The following ENO2 variants were observed in gnomAD, a reference collection of about 807,000 sequenced individuals.
ENO2 encodes the protein gamma-enolase.
Under a neutral mutation model 48.7 loss-of-function variants are expected in ENO2, and 19 were observed. The observed-to-expected ratio is 0.39, with a 90% CI of 0.27 to 0.57. The LOEUF is 0.57. Among genes scored for constraint, ENO2 ranks in the 20% least tolerant of loss-of-function variants. ENO2 has a pLI of 0.58. For synonymous variants in ENO2, 198 were observed against 213.4 expected (o/e 0.93, Z 0.63); for missense variants, 416 against 555.0 (o/e 0.75, Z 2.52).
intron 8 of ENO2, among the ~76,000 whole-genome samples, chr12:6,921,160 C>T (rs934193977): frequency 5.3e-5 from 8 of 152,196 alleles, no homozygotes; most frequent in Non-Finnish European, 7.4e-5. Context: ...TTTGGGAAGC[C>T]GAGGCAGGAG....
intron 6 of ENO2, 39 bp downstream of exon 6, chr12:6,917,753 GT>G: frequency 6.4e-7 from 1 of 1,566,846 alleles, no homozygotes; most frequent in Non-Finnish European, 8.8e-7. Flanking sequence ...CCAGGGGCGG[GT>G]GGGGGAGGGA....
chr12:6,915,886 C>T lies in ENO2; in HGVS notation c.54C>T (p.Pro18=), dbSNP rs372833368. 2.5e-5 allele frequency: 41 copies of T among 1,613,982 alleles called. No homozygotes were observed. Among genetic ancestry groups the T allele is most frequent in the Non-Finnish European group, 3.5e-5 (41 of 1,179,988 alleles). Residue 18 remains proline (P), a synonymous_variant, in exon 2 of 12, where the codon CCC becomes CCT. Transcript: ENST00000229277. ...AGATCCTGGACTCCCGCGGGAACCC[C>T]ACAGTGGAGGTGGATCTCTATACTG... ...AREILDSRGN[P]TVEVDLYTAK...
intron 9 of ENO2, 112 bp from the exon 10 acceptor site, chr12:6,921,944 T>C: frequency 6.5e-7 from 1 of 1,527,994 alleles, no homozygotes; most frequent in Non-Finnish European, 9.0e-7. Flanking sequence ...GATTCTCTGC[T>C]CCCCTCCCAG....
In ENO2 at chr12:6,922,938, G is replaced by A. The variant is rs782476448; in HGVS notation, c.*138G>A. On this transcript the variant is annotated 3_prime_UTR_variant, in exon 12 of 12. Transcript: ENST00000229277. This position sits in a 1 kb window ranked among gnomAD's most constrained non-coding sequence, Gnocchi z 5.3. ...ACTTCCCTGATTGACCTGCTCCGCT[G>A]CTCCTTGGCTTACCTGACCTCTTGC... is the stretch of plus-strand genomic sequence containing the variant. The A allele has an allele frequency of 2.7e-5, 23 of 849,174 alleles. No homozygotes were observed. In the South Asian group the frequency reaches 2.7e-4, roughly 10 times the overall value. 52.6% of individuals were successfully genotyped at this position (849,174 alleles called of 1,614,324 possible). A position where few individuals can be genotyped will look rare whatever the true frequency, so the allele number is the denominator to read the frequency against.
intron 7 of ENO2, 103 bp from the exon 8 acceptor site, chr12:6,919,463 C>T (rs1165811584): frequency 7.6e-7 from 1 of 1,321,954 alleles, no homozygotes; most frequent in Non-Finnish European, 1.1e-6. Context: ...ACACTTCCCT[C>T]AGGAACAGCC....
chr12:6,916,271 G>C lies in ENO2; in HGVS notation c.86-146G>C. ...TTCTTGTGCATCTGCCTCAGTGTGT[G>C]TGTGGGGTGGGGGTGGGGGGATGTT... On this transcript the variant is annotated intron_variant, in intron 2 of 11. Coordinates refer to ENST00000229277, the MANE Select transcript of ENO2 (RefSeq NM_001975.3). This position sits in a 1 kb window ranked among gnomAD's most constrained non-coding sequence, Gnocchi z 4.5. 2.8e-6 allele frequency: 2 copies of C among 704,246 alleles called. No individual in the cohort carries two copies. The highest frequency in any genetic ancestry group is 2.3e-6 in the Non-Finnish European group (1 of 427,984). 43.6% of individuals were successfully genotyped at this position (704,246 alleles called of 1,614,324 possible). A position where few individuals can be genotyped will look rare whatever the true frequency, so the allele number is the denominator to read the frequency against.
intron 7 of ENO2, among the ~76,000 whole-genome samples, 178 bp downstream of exon 7, chr12:6,918,340 C>G (rs782225144): frequency 6.6e-5 from 10 of 151,304 alleles, no homozygotes; most frequent in Admixed American, 5.9e-4. Context: ...ACATGCAGAC[C>G]TAGGGGGACA....
chr12:6,919,862 G>C, intron 8 of ENO2, 99 bp downstream of exon 8: 3 of 1,331,134 alleles, frequency 2.3e-6, no homozygotes, highest in South Asian at 1.3e-5. Context: ...ACCAGGTGGG[G>C]GTGTCCTAAG....
Position 6,917,649 on chromosome 12 carries a change from G to T in ENO2, c.379G>T (p.Glu127Ter), listed in dbSNP as rs782310212. The change falls in exon 6 of 12, where the codon GAA (glutamate) becomes TAA (stop). Residue 127 changes from glutamate to a stop codon, truncating the protein, a stop_gained. Coordinates refer to ENST00000229277, the MANE Select transcript of ENO2 (RefSeq NM_001975.3). LOFTEE classifies it high-confidence loss of function. ...GTGTAAGGCAGGGGCAGCTGAGCGG[G>T]AACTGCCCCTGTATCGCCACATTGC... Reference protein sequence around the residue: ...AVCKAGAAERELPLYRHIAQL... With the variant: ...AVCKAGAAER 23 of 1,588,434 alleles carry T rather than the reference G, an allele frequency of 1.4e-5. No homozygotes were observed.
In ENO2 at chr12:6,915,373, T is replaced by C. The variant is rs116298582; in HGVS notation, c.-12-448T>C. On this transcript the variant is annotated intron_variant, in intron 1 of 11. Transcript: ENST00000229277. ...GTGTTCAGGCAGCTGGGGTGTTAAGTTGGGGAGGTATGGGGGCTCTGGAAG... is the reference window on the plus strand; with the variant it reads ...GTGTTCAGGCAGCTGGGGTGTTAAGCTGGGGAGGTATGGGGGCTCTGGAAG... 744 of 189,140 alleles carry C rather than the reference T, an allele frequency of 3.9e-3. 6 individuals are homozygous for C. The highest frequency in any genetic ancestry group is 0.016 in the African/African-American group (694 of 43,622). The allele number at this position is 189,140 out of a possible 1,614,324, so 11.7% of individuals were successfully genotyped here.
At position 6,916,665 on chromosome 12, in the gene ENO2, C is replaced by T; in HGVS notation, c.182-6C>T. ...CCGACCCAGTCCAGCCTCTTCCTTT[C>T]CCCAGGTGTCCTGAAGGCAGTGGAC... On this transcript the variant is annotated splice_region_variant and splice_polypyrimidine_tract_variant and intron_variant, in intron 3 of 11. Coordinates refer to ENST00000229277, the MANE Select transcript of ENO2 (RefSeq NM_001975.3). The surrounding 1 kb of genome is among the most constrained non-coding windows in gnomAD (Gnocchi z 4.5). The T allele has an allele frequency of 6.2e-7, 1 of 1,614,180 alleles. No individual in the cohort carries two copies. The highest frequency in any genetic ancestry group is 8.5e-7 in the Non-Finnish European group (1 of 1,180,018).
intron 8 of ENO2, among the ~76,000 whole-genome samples, chr12:6,920,394 T>G (rs1305105370): frequency 6.7e-6 from 1 of 149,740 alleles, no homozygotes; most frequent in Non-Finnish European, 1.5e-5. Flanking sequence ...GGGGTTGTTT[T>G]TTTTGTTTTG....
intron 8 of ENO2, among the ~76,000 whole-genome samples, chr12:6,920,465 T>C (rs1012905634): frequency 1.3e-5 from 2 of 149,002 alleles, no homozygotes; most frequent in Non-Finnish European, 3.0e-5. Flanking sequence ...AATGGCGCCA[T>C]CTCGGCTCAC....
rs782042699 is a variant in ENO2, at chr12:6,922,361, G to A, written c.1194G>A (p.Pro398=). ...LCTGQIKTGA[P]CRSERLAKYN... is the part of the protein sequence containing the mutation. ...TGTTTCAGATCAAGACTGGTGCCCC[G>A]TGCCGTTCTGAACGTCTGGCTAAAT... The change falls in exon 11 of 12, where the codon CCG becomes CCA. Residue 398 remains proline (P), a synonymous_variant. Transcript: ENST00000229277. The surrounding 1 kb of genome is among the most constrained non-coding windows in gnomAD (Gnocchi z 5.3). The A allele has an allele frequency of 5.6e-6, 9 of 1,614,182 alleles. No homozygotes were observed. Among genetic ancestry groups the A allele is most frequent in the East Asian group, 2.2e-5 (1 of 44,886 alleles).
In ENO2 at chr12:6,922,081, T is replaced by TG; in HGVS notation, c.1099dup (p.Val367GlyfsTer11). 1 of 1,614,070 alleles carries TG rather than the reference T, an allele frequency of 6.2e-7. No individual in the cohort carries two copies. Among genetic ancestry groups the TG allele is most frequent in the Non-Finnish European group, 8.5e-7 (1 of 1,180,012 alleles). ...GTGCAAGCTGGCCCAGGAGAATGGC[T>TG]GGGGGGTCATGGTGAGTCATCGCTC... is the stretch of plus-strand genomic sequence containing the variant. On this transcript the variant is annotated frameshift_variant, in exon 10 of 12. Coordinates refer to ENST00000229277, the MANE Select transcript of ENO2 (RefSeq NM_001975.3). LOFTEE classifies it high-confidence loss of function. The surrounding 1 kb of genome is among the most constrained non-coding windows in gnomAD (Gnocchi z 5.3).
chr12:6,915,930 G>A lies in ENO2; in HGVS notation c.85+13G>A, dbSNP rs377415275. The stretch of plus-strand genomic sequence containing the variant: ...TATACTGCCAAAGGTAATGGGTGTG[G>A]CATGGGCCTTCCTACAGCCCTAGCT... On this transcript the variant is annotated intron_variant, in intron 2 of 11. Transcript: ENST00000229277. 6.2e-7 allele frequency: 1 copy of A among 1,613,776 alleles called. No homozygotes were observed. Among genetic ancestry groups the A allele is most frequent in the Non-Finnish European group, 8.5e-7 (1 of 1,179,860 alleles).
chr12:6,920,203 A>G (rs1326616997), intron 8 of ENO2, among the ~76,000 whole-genome samples: 5 of 152,124 alleles, frequency 3.3e-5, no homozygotes, highest in East Asian at 1.9e-4. Flanking sequence ...CAGGGCCTTT[A>G]TCTCAGGATG....
intron 8 of ENO2, among the ~76,000 whole-genome samples, chr12:6,920,263 T>A (rs952882452): frequency 2.0e-5 from 3 of 150,134 alleles, no homozygotes; most frequent in Admixed American, 6.7e-5. Flanking sequence ...AAAATCAACA[T>A]AATTGCAGAA....
intron 5 of ENO2, 48 bp downstream of exon 5, chr12:6,917,155 G>T: frequency 6.2e-7 from 1 of 1,609,096 alleles, no homozygotes; most frequent in Non-Finnish European, 8.5e-7. Flanking sequence ...GTGGGGAGGC[G>T]TGGAGCAGAT....
Sources: allele counts gnomAD v4.1 joint callset (sites outside exome capture counted in the v4.1 genomes callset), GRCh38; gene constraint gnomAD v4.1.1; non-coding constraint Gnocchi (gnomAD v3.1); transcripts MANE v1.5; gene names NCBI Gene and HGNC (gene_info 2026-07-23, HGNC 2026-07-21).